The following MGMT variants were observed in gnomAD, a reference collection of about 807,000 sequenced individuals.
MGMT encodes the protein O-6-methylguanine-DNA methyltransferase.
In MGMT, 14 loss-of-function variants were observed where a neutral mutation model predicts 15.9. The observed-to-expected ratio is 0.88, with a 90% CI of 0.58 to 1.37. The LOEUF (loss-of-function observed/expected upper bound fraction) is 1.37. Ranked by LOEUF, MGMT falls within the 40% of genes most tolerant of loss-of-function variation. MGMT has a pLI of 0.00. For missense variants in MGMT, 282 were observed against 268.1 expected (o/e 1.05, Z -0.36); for synonymous variants, 130 against 118.2 (o/e 1.10, Z -0.65).
chr10:129,499,779 A>G (rs1167324555), intron 1 of MGMT, among the ~76,000 whole-genome samples: 1 of 152,238 alleles, frequency 6.6e-6, no homozygotes, highest in Non-Finnish European at 1.5e-5. Flanking sequence ...TGGATACTGT[A>G]CTATGTAGAA....
chr10:129,696,321 CAG>C (rs773440776), intron 2 of MGMT, among the ~76,000 whole-genome samples: 8 of 151,890 alleles, frequency 5.3e-5, no homozygotes, highest in African/African-American at 1.5e-4. Context: ...TGCATTATAT[CAG>C]GGGGTGGGGA....
chr10:129,563,475 C>T (rs1846303745), intron 2 of MGMT, among the ~76,000 whole-genome samples: 1 of 152,098 alleles, frequency 6.6e-6, no homozygotes, highest in Admixed American at 6.6e-5. Flanking sequence ...TCATATACTC[C>T]CATTCATGTA....
chr10:129,610,240 T>A (rs1846943489), intron 2 of MGMT, among the ~76,000 whole-genome samples: 1 of 152,228 alleles, frequency 6.6e-6, no homozygotes, highest in Non-Finnish European at 1.5e-5. Context: ...AATTGCACCT[T>A]ATTCTTTGGC....
chr10:129,667,545 G>A (rs2133110073), intron 2 of MGMT, among the ~76,000 whole-genome samples: 1 of 152,258 alleles, frequency 6.6e-6, no homozygotes, highest in Middle Eastern at 3.4e-3. Context: ...ACATTTGGTA[G>A]TTGGAATTTT....
intron 2 of MGMT, among the ~76,000 whole-genome samples, chr10:129,617,741 G>T (rs756004595): frequency 2.0e-4 from 31 of 152,042 alleles, no homozygotes; most frequent in Non-Finnish European, 3.7e-4. Flanking sequence ...TTTGAAAAGT[G>T]TTTGTTCATG....
chr10:129,517,592 C>T (rs7098619), intron 1 of MGMT, among the ~76,000 whole-genome samples: 59,015 of 151,872 alleles, frequency 0.39, 12,628 homozygotes, highest in East Asian at 0.63. Context: ...ATGGCACCTG[C>T]GCTGGGGCTC....
chr10:129,557,893 G>A (rs1846231791), intron 2 of MGMT, among the ~76,000 whole-genome samples: 1 of 152,250 alleles, frequency 6.6e-6, no homozygotes, highest in Non-Finnish European at 1.5e-5. Context: ...GTCTACAAAT[G>A]TAAGATTGCC....
intron 2 of MGMT, among the ~76,000 whole-genome samples, chr10:129,590,486 T>G (rs1226634836): frequency 6.6e-6 from 1 of 152,226 alleles, no homozygotes; most frequent in Non-Finnish European, 1.5e-5. Flanking sequence ...TTTGTGAATC[T>G]CTATCAGAGC....
intron 2 of MGMT, among the ~76,000 whole-genome samples, chr10:129,636,838 G>A (rs905496729): frequency 6.6e-6 from 1 of 152,110 alleles, no homozygotes; most frequent in African/African-American, 2.4e-5. Flanking sequence ...TTGAAAAATA[G>A]TCTACAATTA....
chr10:129,504,279 G>A (rs539576639), intron 1 of MGMT, among the ~76,000 whole-genome samples: 4 of 152,200 alleles, frequency 2.6e-5, no homozygotes, highest in South Asian at 4.1e-4. Context: ...TCTGGTCAAC[G>A]TTGACATTGG....
At chr10:129,705,836 G>A (rs1421135610) in intron 2 of MGMT, among the ~76,000 whole-genome samples, 1 of 152,034 alleles carries the variant, frequency 6.6e-6, no homozygotes, top group African/African-American at 2.4e-5. Flanking sequence ...CGGGGCCCAG[G>A]AGACAGGCCC....
At chr10:129,547,589 G>A (rs902108751) in intron 2 of MGMT, among the ~76,000 whole-genome samples, 2 of 152,142 alleles carry the variant, frequency 1.3e-5, no homozygotes, top group African/African-American at 4.8e-5. Context: ...TGGGGCAGGG[G>A]ATTACCGTTT....
chr10:129,608,509 A>G (rs1307499740), intron 2 of MGMT, among the ~76,000 whole-genome samples: 1 of 152,236 alleles, frequency 6.6e-6, no homozygotes, highest in East Asian at 1.9e-4. Flanking sequence ...AATCATTTGA[A>G]TTGAATGTAT....
At chr10:129,698,306 A>G (rs756871436) in intron 2 of MGMT, among the ~76,000 whole-genome samples, 1 of 152,208 alleles carries the variant, frequency 6.6e-6, no homozygotes, top group East Asian at 1.9e-4. Context: ...TTTGAAGCCC[A>G]TGTCCAGGCA....
intron 2 of MGMT, among the ~76,000 whole-genome samples, chr10:129,651,205 G>A (rs1403916081): frequency 6.6e-6 from 1 of 152,204 alleles, no homozygotes; most frequent in African/African-American, 2.4e-5. Context: ...GGAGGCTCCT[G>A]CCCCGTAGCT....
chr10:129,743,409 C>T (rs186010418), intron 3 of MGMT, among the ~76,000 whole-genome samples: 3 of 152,314 alleles, frequency 2.0e-5, no homozygotes, highest in East Asian at 3.9e-4. Context: ...CTCCGTTGGC[C>T]GACCCTGTTG....
At chr10:129,655,398 T>A (rs1291806885) in intron 2 of MGMT, among the ~76,000 whole-genome samples, 1 of 152,246 alleles carries the variant, frequency 6.6e-6, no homozygotes, top group Middle Eastern at 3.2e-3. Flanking sequence ...ACATTACCAT[T>A]TTTAAAACCC....
chr10:129,657,759 C>T lies in MGMT; in HGVS notation c.126-50136C>T, dbSNP rs977913265. Among the ~76,000 whole-genome samples, 8 of 149,734 alleles carry T rather than the reference C, an allele frequency of 5.3e-5. No individual in the cohort carries two copies. In the East Asian group the frequency reaches 1.6e-3, roughly 30 times the overall value. ...CTCCCCCAAGGACCCACAAGGACTG[C>T]GGCCTCTTAGCGTGTGTGGAGTCAT... On this transcript the variant is annotated intron_variant, in intron 2 of 4. Coordinates refer to ENST00000651593, the MANE Select transcript of MGMT (RefSeq NM_002412.5).
rs1225307763 is a variant in MGMT at position 129,770,359 on chromosome 10, G to C, written c.*3362G>C. Among the ~76,000 whole-genome samples the C allele has an allele frequency of 6.6e-6, 1 of 152,214 alleles. No individual in the cohort carries two copies. The highest frequency in any genetic ancestry group is 1.5e-5 in the Non-Finnish European group (1 of 68,044). On this transcript the variant is annotated 3_prime_UTR_variant, in exon 5 of 5. Transcript: ENST00000651593. Reference sequence around the variant, plus strand: ...GAGTGGCGGACTCTGGGGAGTAGCTGGTCAGTGAGATTCTCGCAGCAATGT... The same window carrying C: ...GAGTGGCGGACTCTGGGGAGTAGCTCGTCAGTGAGATTCTCGCAGCAATGT...
Sources: gnomAD v4.1 joint callset for allele counts (sites outside exome capture counted in the v4.1 genomes callset) on GRCh38, gnomAD v4.1.1 for gene constraint, MANE v1.5 for transcripts, NCBI Gene and HGNC (gene_info 2026-07-23, HGNC 2026-07-21) for gene names.